DISC1: variants seen among roughly 807,000 people sequenced by gnomAD.
The protein encoded by DISC1 is disrupted in schizophrenia 1 protein.
In DISC1, 57 loss-of-function variants were observed where a neutral mutation model predicts 84.5. That is an observed-to-expected ratio of 0.67 (90% CI 0.55 to 0.84). The LOEUF (loss-of-function observed/expected upper bound fraction) is 0.84, where lower values mean the gene tolerates loss of function less well. Ranked by LOEUF, DISC1 falls within the 40% of genes least tolerant of loss-of-function variation. The pLI is 0.00. For missense variants in DISC1, 1,000 were observed against 1,057.8 expected (o/e 0.95, Z 0.76); for synonymous variants, 411 against 415.2 (o/e 0.99, Z 0.12).
intron 9 of DISC1, among the ~76,000 whole-genome samples, chr1:231,821,064 G>C (rs1239754786): frequency 6.6e-6 from 1 of 152,124 alleles, no homozygotes; most frequent in Non-Finnish European, 1.5e-5. Context: ...GTCCACCGAG[G>C]TCAGAACATT....
intron 3 of DISC1, among the ~76,000 whole-genome samples, chr1:231,726,627 G>T (rs767681355): frequency 3.9e-5 from 6 of 152,136 alleles, no homozygotes; most frequent in Non-Finnish European, 7.4e-5. Flanking sequence ...TAATGTAAAA[G>T]ACAATATTCT....
intron 9 of DISC1, among the ~76,000 whole-genome samples, chr1:231,846,831 G>A (rs940526625): frequency 2.0e-5 from 3 of 152,102 alleles, no homozygotes; most frequent in African/African-American, 7.2e-5. Flanking sequence ...ATTAGTTCAG[G>A]AACTGTTGAA....
chr1:231,997,006 C>G (rs1666044795), intron 10 of DISC1, among the ~76,000 whole-genome samples: 1 of 152,172 alleles, frequency 6.6e-6, no homozygotes, highest in Non-Finnish European at 1.5e-5. Flanking sequence ...AACCACTACT[C>G]TCTTTAGCAC....
At chr1:231,730,802 C>T (rs747286663) in intron 3 of DISC1, among the ~76,000 whole-genome samples, 3 of 152,154 alleles carry the variant, frequency 2.0e-5, no homozygotes, top group Admixed American at 6.5e-5. Flanking sequence ...ATCAGCTGTG[C>T]ACCTAGATTG....
At chr1:231,670,520 T>C (rs1057361681) in intron 1 of DISC1, 4 of 152,242 alleles carry the variant, frequency 2.6e-5, no homozygotes, top group African/African-American at 9.6e-5. Context: ...AGGTATTGTA[T>C]GGAAAAGGCT....
chr1:231,772,006 G>GT lies in DISC1; in HGVS notation c.1634+937dup, dbSNP rs2076589893. On this transcript the variant is annotated intron_variant, in intron 6 of 12. Transcript: ENST00000439617. ...TTTTTAAGTTTTTTGCAGAAATGGT[G>GT]TCTCTCTATGTTGCCCATGCTGTTC... Among the ~76,000 whole-genome samples the GT allele has an allele frequency of 2.7e-5, 4 of 150,558 alleles. No individual in the cohort carries two copies. In the South Asian group the frequency reaches 6.3e-4, roughly 24 times the overall value.
chr1:231,915,712 A>G (rs2089575897), intron 9 of DISC1, among the ~76,000 whole-genome samples: 1 of 152,150 alleles, frequency 6.6e-6, no homozygotes, highest in South Asian at 2.1e-4. Flanking sequence ...TGGGAGGTGG[A>G]TGTTGCAGTG....
rs148631806 is a variant in DISC1 at position 231,846,845 on chromosome 1, A to G, written c.1981+28328A>G. Among the ~76,000 whole-genome samples, 71 of 152,356 alleles carry G rather than the reference A, an allele frequency of 4.7e-4. No homozygotes were observed. In the East Asian group the frequency reaches 0.013, roughly 28 times the overall value. ...GATTAGTTCAGGAACTGTTGAAAAA[A>G]GACTCTGGGATTGGGCAGAACTAGA... On this transcript the variant is annotated intron_variant, in intron 9 of 12. Coordinates refer to ENST00000439617, the MANE Select transcript of DISC1 (RefSeq NM_018662.3).
At chr1:231,991,929 C>T (rs13375715) in intron 10 of DISC1, among the ~76,000 whole-genome samples, 4,928 of 151,962 alleles carry the variant, frequency 0.032, 262 homozygotes, top group African/African-American at 0.11. Flanking sequence ...TGTGCCTTGC[C>T]GTTTTTGCTT....
chr1:231,776,966 C>T (rs369564917), intron 6 of DISC1, among the ~76,000 whole-genome samples: 9 of 152,258 alleles, frequency 5.9e-5, no homozygotes, highest in African/African-American at 1.7e-4. Context: ...ACTGGAGTCA[C>T]GCACAGACTG....
At chr1:232,026,755 CTTTTTTCTTTT>C (rs1669500053) in intron 12 of DISC1, among the ~76,000 whole-genome samples, 2 of 120,406 alleles carry the variant, frequency 1.7e-5, no homozygotes, top group Non-Finnish European at 3.4e-5. Flanking sequence ...TATTTTTTTT[CTTTTTTCTTTT>C]TTTTTTTTTT....
chr1:231,894,088 G>C (rs189846678), intron 9 of DISC1, among the ~76,000 whole-genome samples: 2 of 152,054 alleles, frequency 1.3e-5, no homozygotes, highest in Admixed American at 6.5e-5. Flanking sequence ...TGTTGGGTGT[G>C]GTATTGCATA....
At chr1:231,662,337 C>T (rs773040703) in intron 1 of DISC1, among the ~76,000 whole-genome samples, 8 of 152,212 alleles carry the variant, frequency 5.3e-5, no homozygotes, top group Non-Finnish European at 1.2e-4. Context: ...CCAAAGCCAG[C>T]AGGCTGGAAT....
At chr1:231,805,775 G>A (rs2079659366) in intron 8 of DISC1, among the ~76,000 whole-genome samples, 1 of 152,128 alleles carries the variant, frequency 6.6e-6, no homozygotes, top group Admixed American at 6.5e-5. Context: ...AGACTTGGAT[G>A]GGGACACAGA....
chr1:231,696,419 A>G (rs1198610285), intron 2 of DISC1, among the ~76,000 whole-genome samples: 1 of 152,236 alleles, frequency 6.6e-6, no homozygotes, highest in Admixed American at 6.5e-5. Flanking sequence ...TTGAGTCAAA[A>G]GCAAATGAAG....
chr1:232,014,649 C>T (rs1260883165), intron 11 of DISC1, among the ~76,000 whole-genome samples: 2 of 152,210 alleles, frequency 1.3e-5, no homozygotes, highest in Admixed American at 6.5e-5. Context: ...GCTATTCATT[C>T]GATATAGGAC....
intron 3 of DISC1, among the ~76,000 whole-genome samples, chr1:231,704,827 C>G (rs2066859871): frequency 6.7e-6 from 1 of 150,318 alleles, no homozygotes. Context: ...GTGGGAGACT[C>G]CATTTCTAAT....
chr1:231,863,206 G>A lies in DISC1; in HGVS notation c.1981+44689G>A, dbSNP rs184305042. Among the ~76,000 whole-genome samples the A allele has an allele frequency of 3.4e-3, 408 of 119,094 alleles. 1 individual carries two copies. In the Middle Eastern group the frequency reaches 0.066, roughly 19 times the overall value. The allele number at this position is 119,094 out of a possible 152,430, so 78.1% of individuals were successfully genotyped here. On this transcript the variant is annotated intron_variant, in intron 9 of 12. Coordinates refer to ENST00000439617, the MANE Select transcript of DISC1 (RefSeq NM_018662.3). Reference sequence around the variant, plus strand: ...CAAGAATTTAGTTTTGATTGACATAGTTTATAAAATGTTCTTTTTTTTTTT... The same window carrying A: ...CAAGAATTTAGTTTTGATTGACATAATTTATAAAATGTTCTTTTTTTTTTT...
intron 6 of DISC1, among the ~76,000 whole-genome samples, chr1:231,786,490 T>C (rs2077873722): frequency 6.6e-6 from 1 of 152,246 alleles, no homozygotes; most frequent in African/African-American, 2.4e-5. Flanking sequence ...CCTCTAATGC[T>C]GAGAGCCAAG....
Sources: allele counts gnomAD v4.1 joint callset (sites outside exome capture counted in the v4.1 genomes callset), GRCh38; gene constraint gnomAD v4.1.1; transcripts MANE v1.5; gene names NCBI Gene and HGNC (gene_info 2026-07-23, HGNC 2026-07-21).